Variants in DOK6 observed in about 807,000 individuals in gnomAD.
DOK6 encodes docking protein 6.
A neutral mutation model predicts 44.0 loss-of-function variants in DOK6; 22 were observed. The observed-to-expected ratio is 0.50, with a 90% CI of 0.36 to 0.71. DOK6 has a LOEUF of 0.71. Among genes scored for constraint, DOK6 ranks in the 30% least tolerant of loss-of-function variants. DOK6 has a pLI of 0.00. For synonymous variants in DOK6, 166 were observed against 145.5 expected (o/e 1.14, Z -1.01); for missense variants, 340 against 416.4 (o/e 0.82, Z 1.60).
At chr18:69,603,425 TCA>T (rs1983918224) in intron 3 of DOK6, among the ~76,000 whole-genome samples, 1 of 152,172 alleles carries the variant, frequency 6.6e-6, no homozygotes, top group African/African-American at 2.4e-5. Context: ...AATCTGCTCA[TCA>T]CAGTTATTGC....
At chr18:69,765,967 C>A (rs1216684600) in intron 7 of DOK6, among the ~76,000 whole-genome samples, 6 of 152,044 alleles carry the variant, frequency 3.9e-5, no homozygotes, top group Non-Finnish European at 7.4e-5. Flanking sequence ...CTACCCCACC[C>A]CTGCACAGCT....
At chr18:69,617,128 G>T (rs987461419) in intron 3 of DOK6, among the ~76,000 whole-genome samples, 1 of 151,978 alleles carries the variant, frequency 6.6e-6, no homozygotes, top group Non-Finnish European at 1.5e-5. Flanking sequence ...TTAGGAAGAG[G>T]TTTTTAAAAT....
intron 1 of DOK6, among the ~76,000 whole-genome samples, chr18:69,555,968 A>C (rs982932044): frequency 1.2e-4 from 19 of 152,358 alleles, no homozygotes; most frequent in African/African-American, 4.6e-4. Flanking sequence ...TCATGAATGC[A>C]TATAAATTCA....
intron 1 of DOK6, among the ~76,000 whole-genome samples, chr18:69,473,166 G>A (rs1980164980): frequency 6.6e-6 from 1 of 152,136 alleles, no homozygotes; most frequent in Admixed American, 6.5e-5. Flanking sequence ...GTTCATACTT[G>A]CTGTTTCATT....
intron 7 of DOK6, among the ~76,000 whole-genome samples, chr18:69,827,077 T>G (rs991040700): frequency 2.6e-5 from 4 of 152,182 alleles, no homozygotes; most frequent in Non-Finnish European, 5.9e-5. Context: ...AGATATAGTA[T>G]AGTGGAAACA....
chr18:69,703,882 G>C (rs1986575225), intron 5 of DOK6, among the ~76,000 whole-genome samples: 1 of 152,176 alleles, frequency 6.6e-6, no homozygotes, highest in South Asian at 2.1e-4. Context: ...GTTAAATGAA[G>C]TAATAAGGGT....
chr18:69,605,152 A>G (rs1216458503), intron 3 of DOK6, among the ~76,000 whole-genome samples: 1 of 148,902 alleles, frequency 6.7e-6, no homozygotes, highest in Non-Finnish European at 1.5e-5. Flanking sequence ...AGACCAAATC[A>G]TTTTGCAGCA....
At chr18:69,840,694 G>A (rs2145140166) in intron 7 of DOK6, among the ~76,000 whole-genome samples, 1 of 152,310 alleles carries the variant, frequency 6.6e-6, no homozygotes, top group East Asian at 1.9e-4. Context: ...CAGTGACGGT[G>A]ACTCACACAC....
At chr18:69,655,622 AG>A (rs1481364171) in intron 3 of DOK6, among the ~76,000 whole-genome samples, 2 of 151,902 alleles carry the variant, frequency 1.3e-5, no homozygotes. Context: ...GTGTGGAGGC[AG>A]GTGCCTGTAA....
At chr18:69,623,392 A>ATTCAATGTAACAT (rs1984487367) in intron 3 of DOK6, among the ~76,000 whole-genome samples, 2 of 152,204 alleles carry the variant, frequency 1.3e-5, no homozygotes, top group African/African-American at 4.8e-5. Context: ...CATCCATTAC[A>ATTCAATGTAACAT]TTCAATAACA....
At chr18:69,769,977 G>T (rs1168996892) in intron 7 of DOK6, among the ~76,000 whole-genome samples, 1 of 152,130 alleles carries the variant, frequency 6.6e-6, no homozygotes, top group East Asian at 1.9e-4. Flanking sequence ...GAAAATTTTT[G>T]TAGGAAGAAG....
intron 1 of DOK6, among the ~76,000 whole-genome samples, chr18:69,528,924 C>T (rs1026988620): frequency 2.6e-4 from 39 of 152,170 alleles, no homozygotes; most frequent in Non-Finnish European, 4.4e-5. Flanking sequence ...TAATATGGCT[C>T]TTCCAGTGTA....
intron 1 of DOK6, among the ~76,000 whole-genome samples, chr18:69,413,421 T>G (rs947616302): frequency 6.6e-6 from 1 of 152,030 alleles, no homozygotes; most frequent in Admixed American, 6.6e-5. Flanking sequence ...TACATCCAGA[T>G]CATACAATTA....
At chr18:69,685,060 T>C (rs929362548) in intron 4 of DOK6, among the ~76,000 whole-genome samples, 1 of 152,134 alleles carries the variant, frequency 6.6e-6, no homozygotes, top group African/African-American at 2.4e-5. Context: ...GCAAGGGTGC[T>C]CAGGGATTGA....
At chr18:69,562,274 G>C (rs1034930902) in intron 1 of DOK6, among the ~76,000 whole-genome samples, 1 of 152,086 alleles carries the variant, frequency 6.6e-6, no homozygotes, top group Non-Finnish European at 1.5e-5. Context: ...GTAATTAGTA[G>C]TCTGGGTTTT....
chr18:69,714,875 A>G (rs1986847439), intron 5 of DOK6, among the ~76,000 whole-genome samples: 1 of 152,248 alleles, frequency 6.6e-6, no homozygotes, highest in Non-Finnish European at 1.5e-5. Context: ...AATTACTCCA[A>G]TAATACACGA....
intron 5 of DOK6, among the ~76,000 whole-genome samples, chr18:69,736,805 CAT>C (rs761224342): frequency 1.1e-4 from 16 of 152,204 alleles, no homozygotes; most frequent in Admixed American, 2.0e-4. Flanking sequence ...CTGTGGGTCT[CAT>C]GTGTCATCTC....
intron 3 of DOK6, among the ~76,000 whole-genome samples, chr18:69,610,865 G>A (rs983763969): frequency 2.6e-5 from 4 of 152,014 alleles, no homozygotes; most frequent in African/African-American, 9.7e-5. Context: ...CATTGATTTT[G>A]GTATTTGAGG....
At chr18:69,509,850 C>T (rs1981316269) in intron 1 of DOK6, among the ~76,000 whole-genome samples, 1 of 152,120 alleles carries the variant, frequency 6.6e-6, no homozygotes, top group East Asian at 1.9e-4. Context: ...ATTGTGCCAT[C>T]GTTGAGATTC....
Sources: gnomAD v4.1 joint callset for allele counts (sites outside exome capture counted in the v4.1 genomes callset) on GRCh38, gnomAD v4.1.1 for gene constraint, MANE v1.5 for transcripts, NCBI Gene and HGNC (gene_info 2026-07-23, HGNC 2026-07-21) for gene names.